Variants in SIK3 observed in about 807,000 individuals in gnomAD.
The protein encoded by SIK3 is SIK family kinase 3.
In SIK3, 28 loss-of-function variants were observed where a neutral mutation model predicts 144.2. That is an observed-to-expected ratio of 0.19 (90% CI 0.14 to 0.27). The LOEUF is 0.27. SIK3 is among the 10% of genes least tolerant of loss of function. The pLI, the probability that SIK3 is intolerant of heterozygous loss-of-function variation, is 1.00. For missense variants in SIK3, 1,319 were observed against 1,776.0 expected (o/e 0.74, Z 4.62); for synonymous variants, 686 against 676.3 (o/e 1.01, Z -0.22).
At chr11:116,919,664 C>T (rs1014814061) in intron 4 of SIK3, among the ~76,000 whole-genome samples, 11 of 152,172 alleles carry the variant, frequency 7.2e-5, no homozygotes, top group Non-Finnish European at 4.4e-5. Context: ...ATATAGACAC[C>T]TTGCTACTTA....
At chr11:117,081,677 G>A (rs1461708110) in intron 1 of SIK3, among the ~76,000 whole-genome samples, 2 of 152,068 alleles carry the variant, frequency 1.3e-5, no homozygotes, top group South Asian at 2.1e-4. Flanking sequence ...AAAACGTCCC[G>A]GGAAAGAGAG....
Position 117,062,144 on chromosome 11 carries a change from G to A in SIK3, c.273+35999C>T, listed in dbSNP as rs564530875. On this transcript the variant is annotated intron_variant, in intron 1 of 24. Transcript: ENST00000445177. ...GTTCAAGACCAGCCTGGCCAACATG[G>A]TGAAACCCCATCTCTACTAAAAATA... Among the ~76,000 whole-genome samples the A allele has an allele frequency of 5.9e-5, 9 of 152,120 alleles. 1 individual carries two copies. Among genetic ancestry groups the A allele is most frequent in the African/African-American group, 2.2e-4 (9 of 41,498 alleles).
At chr11:116,934,025 T>C (rs1429060342) in intron 3 of SIK3, among the ~76,000 whole-genome samples, 3 of 152,236 alleles carry the variant, frequency 2.0e-5, no homozygotes, top group Admixed American at 2.0e-4. Flanking sequence ...AAGTATAACC[T>C]TCTCAGAGAG....
At chr11:117,077,203 A>C (rs1954588683) in intron 1 of SIK3, among the ~76,000 whole-genome samples, 1 of 152,220 alleles carries the variant, frequency 6.6e-6, no homozygotes, top group African/African-American at 2.4e-5. Flanking sequence ...ACAGGACATG[A>C]AACACTGCTC....
chr11:117,038,941 T>A (rs143138921), intron 1 of SIK3, among the ~76,000 whole-genome samples: 1 of 151,440 alleles, frequency 6.6e-6, no homozygotes, highest in African/African-American at 2.4e-5. Flanking sequence ...TCCCAGCTAC[T>A]CGGGAGGCTG....
chr11:116,950,620 A>G (rs1426224704), intron 3 of SIK3, among the ~76,000 whole-genome samples: 1 of 152,236 alleles, frequency 6.6e-6, no homozygotes, highest in East Asian at 1.9e-4. Context: ...TACACTGTTC[A>G]GACTTCTTAA....
intron 4 of SIK3, among the ~76,000 whole-genome samples, chr11:116,910,767 A>T (rs746930510): frequency 2.0e-5 from 3 of 152,202 alleles, no homozygotes; most frequent in Non-Finnish European, 4.4e-5. Context: ...GTGAAATATA[A>T]AGGAAAAAAA....
chr11:117,061,519 A>C (rs1355110887), intron 1 of SIK3, among the ~76,000 whole-genome samples: 2 of 152,172 alleles, frequency 1.3e-5, no homozygotes, highest in African/African-American at 4.8e-5. Flanking sequence ...TGGAGTTTTA[A>C]AGATTAAACG....
chr11:117,072,949 G>A (rs181183749), intron 1 of SIK3, among the ~76,000 whole-genome samples: 1 of 152,290 alleles, frequency 6.6e-6, no homozygotes, highest in African/African-American at 2.4e-5. Flanking sequence ...AATTTGCTAA[G>A]TCAAGGAGAT....
In SIK3 at chr11:116,872,024, G is replaced by A. The variant is rs538711998; in HGVS notation, c.1737+1457C>T. ...ACAGGAGTGGACAAACTCATCCAGA[G>A]AGAGTACATCAAAGGACATGGGAAT... On this transcript the variant is annotated intron_variant, in intron 13 of 24. Coordinates refer to ENST00000445177, the MANE Select transcript of SIK3 (RefSeq NM_001366686.3). Among the ~76,000 whole-genome samples, 128 of 152,186 alleles carry A rather than the reference G, an allele frequency of 8.4e-4. 1 individual carries two copies. Among genetic ancestry groups the A allele is most frequent in the African/African-American group, 3.0e-3 (125 of 41,512 alleles).
At chr11:116,924,019 C>T (rs767970708) in intron 4 of SIK3, among the ~76,000 whole-genome samples, 1 of 152,116 alleles carries the variant, frequency 6.6e-6, no homozygotes, top group Non-Finnish European at 1.5e-5. Context: ...TGGTGGCTCA[C>T]GCCTATAATC....
At chr11:117,093,753 T>C (rs56227539) in intron 1 of SIK3, among the ~76,000 whole-genome samples, 47,536 of 151,712 alleles carry the variant, frequency 0.31, 9,676 homozygotes, top group African/African-American at 0.59. Flanking sequence ...CTGTACCCTA[T>C]ACAAATTAAA....
rs181994102 is a variant in SIK3, at chr11:117,035,572, C to T, written c.273+62571G>A. The stretch of plus-strand genomic sequence containing the variant: ...TGTAAAATGCAGATAAAAGTAACTA[C>T]CTACATTATAGGGCTATTGTCACCC... On this transcript the variant is annotated intron_variant, in intron 1 of 24. Coordinates refer to ENST00000445177, the MANE Select transcript of SIK3 (RefSeq NM_001366686.3). Among the ~76,000 whole-genome samples, 304 of 152,178 alleles carry T rather than the reference C, an allele frequency of 2.0e-3. 2 individuals are homozygous for T. Among genetic ancestry groups the T allele is most frequent in the Non-Finnish European group, 3.4e-3 (231 of 68,000 alleles).
chr11:117,033,570 G>A (rs191122548), intron 1 of SIK3, among the ~76,000 whole-genome samples: 25 of 151,842 alleles, frequency 1.6e-4, no homozygotes, highest in Admixed American at 9.8e-4. Context: ...TTAGCCAGGC[G>A]TCGTGGTGGG....
chr11:116,887,140 C>A (rs1944863267), intron 6 of SIK3, among the ~76,000 whole-genome samples: 1 of 151,474 alleles, frequency 6.6e-6, no homozygotes, highest in Admixed American at 6.6e-5. Flanking sequence ...CGTGATGGCT[C>A]ACGCCTATGA....
intron 1 of SIK3, among the ~76,000 whole-genome samples, chr11:117,055,697 T>TC (rs1161301542): frequency 6.6e-6 from 1 of 152,246 alleles, no homozygotes; most frequent in Non-Finnish European, 1.5e-5. Flanking sequence ...TTTGAATGTC[T>TC]CCGCCTCTAA....
At chr11:116,958,599 A>T (rs1291199451) in intron 1 of SIK3, among the ~76,000 whole-genome samples, 1 of 151,654 alleles carries the variant, frequency 6.6e-6, no homozygotes, top group Non-Finnish European at 1.5e-5. Flanking sequence ...CAGACAGAGG[A>T]TGGTGAATGA....
chr11:116,902,079 G>A (rs1945766959), intron 4 of SIK3, among the ~76,000 whole-genome samples: 1 of 152,214 alleles, frequency 6.6e-6, no homozygotes, highest in African/African-American at 2.4e-5. Context: ...CTCCAGTGCA[G>A]AGGAGAAATG....
intron 14 of SIK3, chr11:116,868,926 G>A (rs1180151822): frequency 6.6e-6 from 1 of 152,146 alleles, no homozygotes; most frequent in Admixed American, 6.5e-5. Context: ...CTGGAGGCAT[G>A]AATAAAAGAG....
Sources: gnomAD v4.1 joint callset for allele counts (sites outside exome capture counted in the v4.1 genomes callset) on GRCh38, gnomAD v4.1.1 for gene constraint, MANE v1.5 for transcripts, NCBI Gene and HGNC (gene_info 2026-07-23, HGNC 2026-07-21) for gene names.